The following PHEX variants were observed in gnomAD, a reference collection of about 807,000 sequenced individuals.
PHEX encodes the protein phosphate regulating endopeptidase X-linked, also known as phosphate-regulating neutral endopeptidase PHEX.
Under a neutral mutation model 68.0 loss-of-function variants are expected in PHEX, and 16 were observed. The observed-to-expected ratio is 0.24, with a 90% CI of 0.16 to 0.36. PHEX has a LOEUF of 0.36. PHEX is among the 10% of genes least tolerant of loss of function. The pLI, the probability that PHEX is intolerant of heterozygous loss-of-function variation, is 1.00. For synonymous variants in PHEX, 208 were observed against 205.1 expected (o/e 1.01, Z -0.12); for missense variants, 480 against 575.5 (o/e 0.83, Z 1.70).
At chrX:22,102,746 G>C (rs753584632) in intron 9 of PHEX, among the ~76,000 whole-genome samples, 6 of 112,477 alleles carry the variant, frequency 5.3e-5, no homozygotes. Context: ...AAGGCAGGGG[G>C]CTAGAGAGCT....
chrX:22,187,686 C>T (rs1374172875), intron 14 of PHEX, among the ~76,000 whole-genome samples: 2 of 111,820 alleles, frequency 1.8e-5, no homozygotes, highest in Non-Finnish European at 3.8e-5. Flanking sequence ...GGTGCTTTCC[C>T]CTTCACTTGT....
At chrX:22,242,273 TATCTCAAA>T (rs1276324091) in intron 20 of PHEX, among the ~76,000 whole-genome samples, 1 of 111,976 alleles carries the variant, frequency 8.9e-6, no homozygotes, top group African/African-American at 3.2e-5. Context: ...CGATGGAACG[TATCTCAAA>T]ATAATAAGAG....
chrX:22,108,512 T>TA (rs1930803704), intron 9 of PHEX, among the ~76,000 whole-genome samples: 1 of 111,391 alleles, frequency 9.0e-6, no homozygotes, highest in South Asian at 3.7e-4. Context: ...GCTATTGAAA[T>TA]AAAAAAACTT....
intron 12 of PHEX, among the ~76,000 whole-genome samples, chrX:22,158,382 A>C (rs1269907718): frequency 1.8e-5 from 2 of 112,257 alleles, no homozygotes; most frequent in Non-Finnish European, 3.8e-5. Context: ...GTTGCCCTAT[A>C]AATTTTTTAT....
intron 3 of PHEX, among the ~76,000 whole-genome samples, chrX:22,075,991 A>G (rs1929135536): frequency 8.9e-6 from 1 of 112,277 alleles, no homozygotes; most frequent in Non-Finnish European, 1.9e-5. Context: ...CACAACCCTG[A>G]TGAAATTGGC....
chrX:22,061,654 C>A (rs1928369311), intron 3 of PHEX, among the ~76,000 whole-genome samples: 1 of 111,361 alleles, frequency 9.0e-6, no homozygotes, highest in Admixed American at 9.7e-5. Context: ...CTGCATTTTA[C>A]AGATGAGAAG....
intron 3 of PHEX, among the ~76,000 whole-genome samples, chrX:22,048,337 A>C (rs775688943): frequency 1.8e-5 from 2 of 111,474 alleles, no homozygotes; most frequent in African/African-American, 6.5e-5. Context: ...AAAATCATAA[A>C]TAAGACCTTG....
chrX:22,074,795 C>A lies in PHEX; in HGVS notation c.350-1593C>A, dbSNP rs376198684. On this transcript the variant is annotated intron_variant, in intron 3 of 21. Transcript: ENST00000379374. ...CTTTAAAAAATCCTTGGGGACCTGGCACGGTGGCAGTGGCTCATGCCTGTA... is the reference window on the plus strand; with the variant it reads ...CTTTAAAAAATCCTTGGGGACCTGGAACGGTGGCAGTGGCTCATGCCTGTA... Among the ~76,000 whole-genome samples the A allele has an allele frequency of 1.3e-4, 14 of 111,133 alleles. No individual in the cohort carries two copies. In the East Asian group the frequency reaches 2.3e-3, roughly 18 times the overall value.
intron 11 of PHEX, 76 bp from the exon 12 acceptor site, chrX:22,133,447 A>C: frequency 1.3e-6 from 1 of 760,151 alleles, no homozygotes; most frequent in South Asian, 2.1e-5. Flanking sequence ...TTTCTCATGC[A>C]AGCCAATTTT....
chrX:22,234,818 C>A (rs867626665), intron 20 of PHEX, among the ~76,000 whole-genome samples: 38 of 87,372 alleles, frequency 4.3e-4, no homozygotes, highest in Middle Eastern at 5.9e-3. Flanking sequence ...AGTGGGGTAT[C>A]AAAAAAAAAA....
chrX:22,240,491 C>A (rs111605259), intron 20 of PHEX, among the ~76,000 whole-genome samples: 1 of 110,746 alleles, frequency 9.0e-6, no homozygotes. Flanking sequence ...TTCAGGAAAC[C>A]CATCTCACTT....
intron 12 of PHEX, among the ~76,000 whole-genome samples, chrX:22,136,337 C>T (rs1037732096): frequency 2.7e-5 from 3 of 111,809 alleles, no homozygotes; most frequent in African/African-American, 9.7e-5. Context: ...TGAGTAGCCC[C>T]TGCATTAAGA....
chrX:22,138,082 A>G (rs2269467), intron 12 of PHEX, among the ~76,000 whole-genome samples: 40,770 of 111,223 alleles, frequency 0.37, 5,425 homozygotes, highest in Middle Eastern at 0.43. Flanking sequence ...CTTTCTCTAC[A>G]TATTTCCTCT....
chrX:22,173,350 G>A (rs1933602649), intron 13 of PHEX, among the ~76,000 whole-genome samples: 1 of 110,523 alleles, frequency 9.0e-6, no homozygotes, highest in Non-Finnish European at 1.9e-5. Flanking sequence ...ACCAGCCCCA[G>A]TGTGGAGATG....
intron 2 of PHEX, among the ~76,000 whole-genome samples, chrX:22,044,872 A>AT (rs954822918): frequency 4.1e-4 from 45 of 110,404 alleles, no homozygotes; most frequent in African/African-American, 1.4e-3. Flanking sequence ...TTATTTTTTT[A>AT]TTTTTTTAAG....
Position 22,226,232 on chromosome X carries a change from G to A in PHEX, c.1900-211G>A, listed in dbSNP as rs16981867. Among the ~76,000 whole-genome samples the A allele has an allele frequency of 0.01, 1,115 of 111,344 alleles. 14 individuals carry two copies. The highest frequency in any genetic ancestry group is 0.033 in the African/African-American group (1,025 of 30,622). Reference sequence around the variant, plus strand: ...GTGAAAAAGAAGTGTGTAGCATAATGAAATAGAAAGTATTACATTCCAGAG... The same window carrying A: ...GTGAAAAAGAAGTGTGTAGCATAATAAAATAGAAAGTATTACATTCCAGAG... On this transcript the variant is annotated intron_variant, in intron 18 of 21. Coordinates refer to ENST00000379374, the MANE Select transcript of PHEX (RefSeq NM_000444.6).
At chrX:22,089,949 G>T (rs763219793) in intron 5 of PHEX, among the ~76,000 whole-genome samples, 44 of 112,062 alleles carry the variant, frequency 3.9e-4, no homozygotes, top group Non-Finnish European at 6.2e-4. Context: ...AGTTGGAAAC[G>T]TCTGATTAAT....
At chrX:22,240,796 C>G (rs920508138) in intron 20 of PHEX, among the ~76,000 whole-genome samples, 22 of 111,324 alleles carry the variant, frequency 2.0e-4, no homozygotes, top group Admixed American at 5.7e-4. Flanking sequence ...CTTAGATTCC[C>G]AAACAGTAAC....
chrX:22,183,719 A>T (rs887393440), intron 14 of PHEX, among the ~76,000 whole-genome samples: 8 of 102,624 alleles, frequency 7.8e-5, no homozygotes, highest in Middle Eastern at 5.0e-3. Context: ...ACTCTTTTTT[A>T]AAAAAAAAAA....
Sources: gnomAD v4.1 joint callset for allele counts (sites outside exome capture counted in the v4.1 genomes callset) on GRCh38, gnomAD v4.1.1 for gene constraint, MANE v1.5 for transcripts, NCBI Gene and HGNC (gene_info 2026-07-23, HGNC 2026-07-21) for gene names.